Variants in N4BP2 observed in about 807,000 individuals in gnomAD.
The protein encoded by N4BP2 is NEDD4-binding protein 2.
In N4BP2, 91 loss-of-function variants were observed where a neutral mutation model predicts 152.8. The ratio of observed to expected loss-of-function variants is 0.60; its 90% CI spans 0.50 to 0.71. The LOEUF is 0.71. N4BP2 is among the 30% of genes least tolerant of loss of function. The pLI, the probability that N4BP2 is intolerant of heterozygous loss-of-function variation, is 0.00. For synonymous variants in N4BP2, 646 were observed against 705.3 expected (o/e 0.92, Z 1.33); for missense variants, 1,923 against 2,059.1 (o/e 0.93, Z 1.28).
rs1042005264 is a variant in N4BP2, at chr4:40,140,763, C to T, written c.4786-1910C>T. Among the ~76,000 whole-genome samples the T allele has an allele frequency of 9.9e-5, 15 of 152,024 alleles. No homozygotes were observed. The East Asian group carries it at 1.2e-3, about 12-fold the overall frequency. On this transcript the variant is annotated intron_variant, in intron 14 of 17. Transcript: ENST00000261435. ...CTTCCGCAGTGTTTGTGTCCCTGGG[C>T]ACTTGAGATTAGGGAGTGGTGATGA...
chr4:40,135,710 C>A (rs1019333840), intron 13 of N4BP2, among the ~76,000 whole-genome samples: 2 of 152,048 alleles, frequency 1.3e-5, no homozygotes, highest in Non-Finnish European at 2.9e-5. Flanking sequence ...TTACAGGCGC[C>A]CGCCACCATG....
the N4BP2 span, among the ~76,000 whole-genome samples, chr4:40,169,829 G>T: frequency 6.6e-6 from 1 of 151,826 alleles, no homozygotes; most frequent in South Asian, 2.1e-4. Context: ...GCTGGGCGTG[G>T]TGGCAGGCGT....
Position 40,142,668 on chromosome 4 carries a change from T to A in N4BP2, c.4786-5T>A, listed in dbSNP as rs137867135. On this transcript the variant is annotated splice_polypyrimidine_tract_variant and splice_region_variant and intron_variant, in intron 14 of 17. Transcript: ENST00000261435. ...GTGTGTTACTTATTGTTTAATATCT[T>A]ATAGCCAAAGAAATTAAAAGAGACT... 3 of 1,599,908 alleles carry A rather than the reference T, an allele frequency of 1.9e-6. No homozygotes were observed. The highest frequency in any genetic ancestry group is 2.7e-5 in the African/African-American group (2 of 73,996).
At chr4:40,071,758 G>T (rs1216272413) in intron 1 of N4BP2, among the ~76,000 whole-genome samples, 1 of 152,048 alleles carries the variant, frequency 6.6e-6, no homozygotes, top group Non-Finnish European at 1.5e-5. Context: ...TAGAGACGAA[G>T]TTTCGCCATA....
chr4:40,072,029 T>A (rs1423281272), intron 1 of N4BP2, among the ~76,000 whole-genome samples: 2 of 151,842 alleles, frequency 1.3e-5, no homozygotes, highest in Non-Finnish European at 2.9e-5. Flanking sequence ...TGCGTCAGCC[T>A]CCTGAGTAAG....
intron 12 of N4BP2, among the ~76,000 whole-genome samples, chr4:40,127,141 G>C (rs936845533): frequency 1.5e-4 from 23 of 151,100 alleles, no homozygotes; most frequent in Non-Finnish European, 3.1e-4. Flanking sequence ...CACCTGCCTT[G>C]CCCTCCCAAA....
At chr4:40,182,059 A>G in the N4BP2 span, among the ~76,000 whole-genome samples, 7 of 152,348 alleles carry the variant, frequency 4.6e-5, no homozygotes, top group East Asian at 1.3e-3. Flanking sequence ...ACATGACTAC[A>G]TTCAGCTGAA....
intron 2 of N4BP2, among the ~76,000 whole-genome samples, chr4:40,089,038 C>T (rs1056178829): frequency 6.6e-6 from 1 of 152,054 alleles, no homozygotes; most frequent in African/African-American, 2.4e-5. Flanking sequence ...GCAGGCTCAA[C>T]CTCCCAGCTG....
chr4:40,155,498 A>C lies in N4BP2; in HGVS notation c.*1261A>C, dbSNP rs925194714. On this transcript the variant is annotated 3_prime_UTR_variant, in exon 18 of 18. Coordinates refer to ENST00000261435, the MANE Select transcript of N4BP2 (RefSeq NM_018177.6). ...TCACTTTTATTTTGAAAAAGAGCCA[A>C]CTTTCTCAAAGGAAGCTGTCATTAA... 6.6e-6 allele frequency: 1 copy of C among 152,210 alleles called. No homozygotes were observed. Among genetic ancestry groups the C allele is most frequent in the African/African-American group, 2.4e-5 (1 of 41,464 alleles). The allele number at this position is 152,210 out of a possible 1,614,324, so 9.4% of individuals were successfully genotyped here.
chr4:40,083,835 A>G (rs1713650042), intron 2 of N4BP2, among the ~76,000 whole-genome samples: 1 of 152,228 alleles, frequency 6.6e-6, no homozygotes. Flanking sequence ...TTTACATATT[A>G]TATTTTAATA....
rs1715846776 is a variant in N4BP2, at chr4:40,102,960, T to C, written c.1115T>C (p.Leu372Pro). The C allele has an allele frequency of 6.2e-7, 1 of 1,614,062 alleles. No homozygotes were observed. The highest frequency in any genetic ancestry group is 8.5e-7 in the Non-Finnish European group (1 of 1,180,036). Residue 372 changes from leucine to proline, a missense_variant, in exon 4 of 18, where the codon CTC becomes CCC. Transcript: ENST00000261435. The stretch of plus-strand genomic sequence containing the variant: ...AATCCAATGATTCCTGCTTTTGACC[T>C]CTTCCAAGGAAACCATGGCTTTGTA... ...MWNPMIPAFD[L>P]FQGNHGFVAP...
rs891410096 is a variant in N4BP2 at position 40,102,217 on chromosome 4, G to A, written c.372G>A (p.Glu124=). 1 of 1,614,042 alleles carries A rather than the reference G, an allele frequency of 6.2e-7. No homozygotes were observed. The highest frequency in any genetic ancestry group is 8.5e-7 in the Non-Finnish European group (1 of 1,179,990). Residue 124 remains glutamate (E), a synonymous_variant, in exon 4 of 18, where the codon GAG becomes GAA. Coordinates refer to ENST00000261435, the MANE Select transcript of N4BP2 (RefSeq NM_018177.6). Reference sequence around the variant, plus strand: ...TAATGGAAAAACGTCCTGAAGAAGAGAGTGAAGATTCAAAAATGGATTCAT... The same window carrying A: ...TAATGGAAAAACGTCCTGAAGAAGAAAGTGAAGATTCAAAAATGGATTCAT... ...SKIMEKRPEE[E]SEDSKMDSFL...
the N4BP2 span, among the ~76,000 whole-genome samples, chr4:40,164,098 C>T: frequency 1.8e-3 from 267 of 152,152 alleles, no homozygotes; most frequent in African/African-American, 6.0e-3. Flanking sequence ...GGAAAGGAGA[C>T]AAAATTCACG....
At position 40,154,433 on chromosome 4, in the gene N4BP2, T is replaced by A. The variant is rs2109294081; in HGVS notation, c.*196T>A. The A allele has an allele frequency of 2.1e-6, 1 of 465,594 alleles. No homozygotes were observed. The highest frequency in any genetic ancestry group is 3.8e-5 in the East Asian group (1 of 26,664). 28.8% of individuals were successfully genotyped at this position (465,594 alleles called of 1,614,324 possible). On this transcript the variant is annotated 3_prime_UTR_variant, in exon 18 of 18. Coordinates refer to ENST00000261435, the MANE Select transcript of N4BP2 (RefSeq NM_018177.6). ...CTGAATCAAATGCAAATGTTACCTG[T>A]TAAAGATATTACAGAGAAATTTTAT...
chr4:40,144,810 T>A lies in N4BP2; in HGVS notation c.5143+10T>A. On this transcript the variant is annotated intron_variant, in intron 16 of 17. Coordinates refer to ENST00000261435, the MANE Select transcript of N4BP2 (RefSeq NM_018177.6). The stretch of plus-strand genomic sequence containing the variant: ...GAGAAGAAGACTGAAGGTAGGACTG[T>A]GGTAATCACAAGTTTTCAATAGAAT... 1 of 1,589,278 alleles carries A rather than the reference T, an allele frequency of 6.3e-7. No homozygotes were observed. The highest frequency in any genetic ancestry group is 8.6e-7 in the Non-Finnish European group (1 of 1,168,672).
the N4BP2 span, among the ~76,000 whole-genome samples, chr4:40,175,420 G>C: frequency 6.6e-6 from 1 of 151,826 alleles, no homozygotes. Context: ...GAAGTAGGGA[G>C]ATAGAGGATG....
chr4:40,164,356 G>T, the N4BP2 span, among the ~76,000 whole-genome samples: 1 of 152,132 alleles, frequency 6.6e-6, no homozygotes, highest in Admixed American at 6.6e-5. Flanking sequence ...AGTTTGATTT[G>T]TGGCTGAGCA....
At chr4:40,073,802 G>GT (rs913582046) in intron 2 of N4BP2, among the ~76,000 whole-genome samples, 3 of 151,014 alleles carry the variant, frequency 2.0e-5, no homozygotes, top group Non-Finnish European at 4.4e-5. Flanking sequence ...TTTTTGTTTT[G>GT]TTTTTTTGAG....
chr4:40,083,014 C>A (rs116185621), intron 2 of N4BP2: 2 of 274,756 alleles, frequency 7.3e-6, no homozygotes, highest in African/African-American at 2.2e-5. Context: ...TGTATTCTTA[C>A]ACTGACTGTA....
Sources: gnomAD v4.1 joint callset for allele counts (sites outside exome capture counted in the v4.1 genomes callset) on GRCh38, gnomAD v4.1.1 for gene constraint, MANE v1.5 for transcripts, NCBI Gene and HGNC (gene_info 2026-07-23, HGNC 2026-07-21) for gene names.